CACNA1I: variants seen among roughly 807,000 people sequenced by gnomAD.
CACNA1I encodes calcium voltage-gated channel subunit alpha1 I.
In CACNA1I, 74 loss-of-function variants were observed where a neutral mutation model predicts 201.6. The ratio of observed to expected loss-of-function variants is 0.37; its 90% CI spans 0.30 to 0.45. CACNA1I has a LOEUF of 0.45. Among genes scored for constraint, CACNA1I ranks in the 20% least tolerant of loss-of-function variants. The pLI is 1.00. For missense variants in CACNA1I, 2,346 were observed against 3,138.1 expected (o/e 0.75, Z 6.03); for synonymous variants, 1,431 against 1,345.2 (o/e 1.06, Z -1.40).
intron 24 of CACNA1I, among the ~76,000 whole-genome samples, chr22:39,669,515 G>A (rs921092776): frequency 6.6e-6 from 1 of 152,042 alleles, no homozygotes; most frequent in Admixed American, 6.5e-5. Flanking sequence ...ATGGATGGGT[G>A]AATGGATGGA....
At chr22:39,662,961 G>A in intron 18 of CACNA1I, 85 bp downstream of exon 18, 1 of 944,968 alleles carries the variant, frequency 1.1e-6, no homozygotes, top group Non-Finnish European at 1.6e-6. Context: ...CAAGGCCATT[G>A]GTGGCGCTCT....
At chr22:39,640,819 A>G in intron 5 of CACNA1I, 48 bp from the exon 6 acceptor site, 14 of 1,485,888 alleles carry the variant, frequency 9.4e-6, no homozygotes, top group Non-Finnish European at 1.3e-5. Context: ...TCCTCCTGAC[A>G]GTGACCCCTC....
In CACNA1I at chr22:39,659,728, T is replaced by G. The variant is rs776228273; in HGVS notation, c.2480T>G (p.Leu827Arg). ...ACCCAGGAGGACTGGAACGTCGTTC[T>G]CTACAATGGCATGGCCTCCACTTCT... is the stretch of plus-strand genomic sequence containing the variant. ...ILTQEDWNVV[L>R]YNGMASTSPW... The change falls in exon 14 of 37, where the codon CTC becomes CGC. Residue 827 changes from leucine (L) to arginine (R), a missense_variant. Transcript: ENST00000402142. This position sits in a 1 kb window ranked among gnomAD's most constrained non-coding sequence, Gnocchi z 4.3. 1.9e-6 allele frequency: 3 copies of G among 1,613,948 alleles called. No individual in the cohort carries two copies. In the Admixed American group the frequency reaches 5.0e-5, roughly 27 times the overall value.
intron 4 of CACNA1I, among the ~76,000 whole-genome samples, chr22:39,628,892 G>C (rs2146405474): frequency 6.6e-6 from 1 of 152,268 alleles, no homozygotes; most frequent in South Asian, 2.1e-4. Context: ...CACGCGTCTG[G>C]CAATTTCTAC....
rs1935144766 is a variant in CACNA1I at position 39,665,061 on chromosome 22, G to A, written c.3851+138G>A. On this transcript the variant is annotated intron_variant, in intron 21 of 36. Transcript: ENST00000402142. The surrounding 1 kb of genome is among the most constrained non-coding windows in gnomAD (Gnocchi z 5.5). ...TAGTGAGTGCCAAACACCCTGAGCT[G>A]TTCCCGGGGGAGGGGTCTGCAGACC... 3.7e-6 allele frequency: 3 copies of A among 801,646 alleles called. No individual in the cohort carries two copies. The East Asian group carries it at 8.0e-5, about 22-fold the overall frequency. The allele number at this position is 801,646 out of a possible 1,614,324, so 49.7% of individuals were successfully genotyped here. A position where few individuals can be genotyped will look rare whatever the true frequency, so the allele number is the denominator to read the frequency against.
chr22:39,605,676 T>C (rs1194518103), intron 3 of CACNA1I, among the ~76,000 whole-genome samples: 1 of 152,026 alleles, frequency 6.6e-6, no homozygotes, highest in East Asian at 1.9e-4. Context: ...TCAGGAAGCA[T>C]AGAGAGCCAT....
At position 39,685,095 on chromosome 22, in the gene CACNA1I, C is replaced by T. The variant is rs957160346; in HGVS notation, c.6027+597C>T. ...TGATTCACTGGGTGACTGTCTGACC[C>T]GTCACACCAGGCTGTGTGCTCTGGC... On this transcript the variant is annotated intron_variant, in intron 36 of 36. Transcript: ENST00000402142. This position sits in a 1 kb window ranked among gnomAD's most constrained non-coding sequence, Gnocchi z 5.0. 1.2e-5 allele frequency: 2 copies of T among 170,922 alleles called. No homozygotes were observed. Among genetic ancestry groups the T allele is most frequent in the African/African-American group, 2.4e-5 (1 of 41,726 alleles). 10.6% of individuals were successfully genotyped at this position (170,922 alleles called of 1,614,324 possible). A position where few individuals can be genotyped will look rare whatever the true frequency, so the allele number is the denominator to read the frequency against.
At position 39,672,321 on chromosome 22, in the gene CACNA1I, G is replaced by A. The variant is rs1250692076; in HGVS notation, c.4649+13G>A. 6.4e-7 allele frequency: 1 copy of A among 1,555,352 alleles called. No homozygotes were observed. The highest frequency in any genetic ancestry group is 8.9e-7 in the Non-Finnish European group (1 of 1,127,250). Reference sequence around the variant, plus strand: ...TCTTCAAGGACCGGTGAGTGGCCAGGCTGGATTAGGGCAGTAATAGGGTAG... The same window carrying A: ...TCTTCAAGGACCGGTGAGTGGCCAGACTGGATTAGGGCAGTAATAGGGTAG... On this transcript the variant is annotated intron_variant, in intron 27 of 36. Transcript: ENST00000402142.
chr22:39,664,283 C>T (rs1291364591), intron 20 of CACNA1I, 124 bp downstream of exon 20: 4 of 791,960 alleles, frequency 5.1e-6, no homozygotes, highest in Non-Finnish European at 8.2e-6. Context: ...GCCCCATGGC[C>T]CACCCCTCTG....
At chr22:39,668,426 C>T (rs772086230) in intron 24 of CACNA1I, 45 bp downstream of exon 24, 1 of 1,301,338 alleles carries the variant, frequency 7.7e-7, no homozygotes, top group Non-Finnish European at 1.1e-6. Flanking sequence ...CAGGGAGGAA[C>T]ATGGTGTCCT....
chr22:39,665,011 C>T lies in CACNA1I; in HGVS notation c.3851+88C>T. On this transcript the variant is annotated intron_variant, in intron 21 of 36. Transcript: ENST00000402142. This position sits in a 1 kb window ranked among gnomAD's most constrained non-coding sequence, Gnocchi z 5.5. ...CGAATTGGGCCCTCACTCCGCCCTC[C>T]CCGCCCGCCCACTCGGTCCTCCAAT... The T allele has an allele frequency of 8.0e-7, 1 of 1,242,852 alleles. No individual in the cohort carries two copies. Among genetic ancestry groups the T allele is most frequent in the South Asian group, 1.4e-5 (1 of 72,956 alleles). 77.0% of individuals were successfully genotyped at this position (1,242,852 alleles called of 1,614,324 possible). A position where few individuals can be genotyped will look rare whatever the true frequency, so the allele number is the denominator to read the frequency against.
In CACNA1I at chr22:39,649,409, G is replaced by C. The variant is rs1360251747; in HGVS notation, c.1568-92G>C. The C allele has an allele frequency of 6.1e-6, 8 of 1,312,616 alleles. No homozygotes were observed. Among genetic ancestry groups the C allele is most frequent in the Non-Finnish European group, 8.2e-6 (8 of 981,322 alleles). The allele number at this position is 1,312,616 out of a possible 1,614,324, so 81.3% of individuals were successfully genotyped here. A position where few individuals can be genotyped will look rare whatever the true frequency, so the allele number is the denominator to read the frequency against. ...CGGCTGGTTCCAGGCAGACCTGTGG[G>C]CCTGGGAGCCAAGCGCACTCAGGGA... On this transcript the variant is annotated intron_variant, in intron 9 of 36. Coordinates refer to ENST00000402142, the MANE Select transcript of CACNA1I (RefSeq NM_021096.4). This position sits in a 1 kb window ranked among gnomAD's most constrained non-coding sequence, Gnocchi z 7.3.
chr22:39,636,657 T>A (rs1006929355), intron 5 of CACNA1I, among the ~76,000 whole-genome samples: 1 of 152,140 alleles, frequency 6.6e-6, no homozygotes, highest in African/African-American at 2.4e-5. Flanking sequence ...AGCAGAGAAG[T>A]TGGTAACCAG....
At chr22:39,682,735 T>A (rs1056789472) in intron 35 of CACNA1I, 74 bp downstream of exon 35, 1 of 1,343,536 alleles carries the variant, frequency 7.4e-7, no homozygotes. Flanking sequence ...GATGGCTGAG[T>A]TTTTTCCTTA....
chr22:39,652,919 A>G (rs1424118146), intron 10 of CACNA1I, among the ~76,000 whole-genome samples: 1 of 152,198 alleles, frequency 6.6e-6, no homozygotes, highest in Non-Finnish European at 1.5e-5. Flanking sequence ...CAAACAAAAA[A>G]TTCCAAATCA....
In CACNA1I at chr22:39,670,849, G is replaced by A. The variant is rs1229463474; in HGVS notation, c.4434G>A (p.Leu1478=). The change falls in exon 26 of 37, where the codon CTG becomes CTA. Residue 1478 remains leucine (L), a synonymous_variant. Coordinates refer to ENST00000402142, the MANE Select transcript of CACNA1I (RefSeq NM_021096.4). ...ATGCCACCTATTGTCACACCCGGCT[G>A]CTCATCCACTCCATGTGCACCAGCC... The part of the protein sequence containing the change: ...PYYATYCHTR[L]LIHSMCTSHY... 35 of 1,613,738 alleles carry A rather than the reference G, an allele frequency of 2.2e-5. No individual in the cohort carries two copies. The highest frequency in any genetic ancestry group is 2.9e-5 in the Non-Finnish European group (34 of 1,179,870).
At chr22:39,601,761 C>T (rs908744119) in intron 3 of CACNA1I, among the ~76,000 whole-genome samples, 4 of 151,494 alleles carry the variant, frequency 2.6e-5, no homozygotes, top group Admixed American at 6.6e-5. Flanking sequence ...TGAGGTGATT[C>T]GTTTCACTAG....
rs1422589148 is a variant in CACNA1I, at chr22:39,659,344, C to T, written c.2331-89C>T. ...CGCTGCCCCGCCTCCCCCTGCCCTG[C>T]ATTTTACTGAGTTGACTGAGAATGA... is the stretch of plus-strand genomic sequence containing the variant. On this transcript the variant is annotated intron_variant, in intron 12 of 36. Coordinates refer to ENST00000402142, the MANE Select transcript of CACNA1I (RefSeq NM_021096.4). This position sits in a 1 kb window ranked among gnomAD's most constrained non-coding sequence, Gnocchi z 4.3. The T allele has an allele frequency of 9.7e-7, 1 of 1,029,946 alleles. No homozygotes were observed. The highest frequency in any genetic ancestry group is 1.4e-5 in the South Asian group (1 of 70,344). 63.8% of individuals were successfully genotyped at this position (1,029,946 alleles called of 1,614,324 possible).
chr22:39,655,988 C>T (rs933803593), intron 10 of CACNA1I, among the ~76,000 whole-genome samples: 5 of 152,172 alleles, frequency 3.3e-5, no homozygotes, highest in Admixed American at 1.3e-4. Flanking sequence ...CTTTCATCTC[C>T]GCGGACATCG....
Sources: gnomAD v4.1 joint callset for allele counts (sites outside exome capture counted in the v4.1 genomes callset) on GRCh38, gnomAD v4.1.1 for gene constraint, Gnocchi (gnomAD v3.1) non-coding constraint, MANE v1.5 for transcripts, NCBI Gene and HGNC (gene_info 2026-07-23, HGNC 2026-07-21) for gene names.